The following P2RY8 variants were observed in gnomAD, a reference collection of about 807,000 sequenced individuals.
P2RY8 encodes the protein S-geranylgeranyl-glutathione receptor P2RY8.
Under a neutral mutation model 10.0 loss-of-function variants are expected in P2RY8, and 6 were observed. That is an observed-to-expected ratio of 0.60 (90% CI 0.33 to 1.19). The LOEUF (loss-of-function observed/expected upper bound fraction) is 1.19, where lower values mean the gene tolerates loss of function less well. Among genes scored for constraint, P2RY8 ranks in the 50% most tolerant of loss-of-function variants. P2RY8 has a pLI of 0.04. For synonymous variants in P2RY8, 276 were observed against 252.5 expected (o/e 1.09, Z -0.88); for missense variants, 456 against 542.0 (o/e 0.84, Z 1.58).
intron 1 of P2RY8, among the ~76,000 whole-genome samples, chrX:1,526,334 TCATC>T (rs1356222302): frequency 3.3e-5 from 5 of 151,342 alleles, no homozygotes; most frequent in African/African-American, 7.3e-5. Flanking sequence ...ATCCATTCAT[TCATC>T]CATCCATCCA....
At chrX:1,485,882 A>G (rs1252553561) in intron 1 of P2RY8, among the ~76,000 whole-genome samples, 2 of 151,842 alleles carry the variant, frequency 1.3e-5, no homozygotes, top group Non-Finnish European at 2.9e-5. Context: ...ATAATACATT[A>G]TTTCTGCATG....
At chrX:1,503,609 A>G (rs2092200423) in intron 1 of P2RY8, among the ~76,000 whole-genome samples, 1 of 151,736 alleles carries the variant, frequency 6.6e-6, no homozygotes, top group African/African-American at 2.4e-5. Context: ...AAAATACAAA[A>G]ATTAGCCAGG....
intron 1 of P2RY8, among the ~76,000 whole-genome samples, chrX:1,473,365 ATGGGTGAGTGGG>A (rs1481362599): frequency 1.7e-5 from 1 of 60,184 alleles, no homozygotes; most frequent in Admixed American, 2.2e-4. Context: ...GGGTTTCTGA[ATGGGTGAGTGGG>A]TGGGTGGGTG....
chrX:1,507,830 A>T (rs1280402359), intron 1 of P2RY8, among the ~76,000 whole-genome samples: 1 of 152,146 alleles, frequency 6.6e-6, no homozygotes, highest in Non-Finnish European at 1.5e-5. Context: ...GAGGTTAGCT[A>T]TTAGGTCATG....
At chrX:1,481,942 C>A (rs1422589478) in intron 1 of P2RY8, among the ~76,000 whole-genome samples, 6 of 152,144 alleles carry the variant, frequency 3.9e-5, no homozygotes, top group Non-Finnish European at 8.8e-5. Flanking sequence ...CATCACCCAA[C>A]GAAGCAGACC....
chrX:1,477,950 G>C (rs1432835086), intron 1 of P2RY8, among the ~76,000 whole-genome samples: 1 of 152,186 alleles, frequency 6.6e-6, no homozygotes, highest in African/African-American at 2.4e-5. Flanking sequence ...TGGATGAAGA[G>C]CGATTCCTTA....
At chrX:1,477,315 C>T (rs1272137885) in intron 1 of P2RY8, among the ~76,000 whole-genome samples, 1 of 63,024 alleles carries the variant, frequency 1.6e-5, no homozygotes, top group Admixed American at 1.4e-4. Flanking sequence ...TCTTGCAACC[C>T]TTGATCTATC....
At chrX:1,512,655 C>T (rs1337812117) in intron 1 of P2RY8, among the ~76,000 whole-genome samples, 4 of 151,254 alleles carry the variant, frequency 2.6e-5, no homozygotes, top group Non-Finnish European at 4.4e-5. Context: ...GCAATCATGG[C>T]GGAAGGCAAA....
intron 1 of P2RY8, among the ~76,000 whole-genome samples, chrX:1,532,143 G>A (rs2092479712): frequency 6.6e-6 from 1 of 151,974 alleles, no homozygotes; most frequent in South Asian, 2.1e-4. Flanking sequence ...TACTTGCACA[G>A]GCATGTTTAT....
intron 1 of P2RY8, among the ~76,000 whole-genome samples, chrX:1,531,242 G>A (rs1167122020): frequency 6.6e-6 from 1 of 152,036 alleles, no homozygotes; most frequent in African/African-American, 2.4e-5. Context: ...GCCCAGGGAC[G>A]CTGCTCTACA....
At position 1,466,516 on chromosome X, in the gene P2RY8, G is replaced by A; in HGVS notation, c.43C>T (p.Gln15Ter). Residue 15 changes from glutamine (Q) to a stop codon, truncating the protein, a stop_gained, in exon 2 of 2, where the codon CAG becomes TAG. Transcript: ENST00000381297. LOFTEE classifies it high-confidence loss of function. ...GCGATCGCCGGGTTCCGCAGCATCT[G>A]CAGCGTCGCGTTGTCCGGGCCGGTG... ...NSTGPDNATL[Q>*]MLRNPAIAVA... The A allele has an allele frequency of 1.9e-6, 3 of 1,610,116 alleles. No homozygotes were observed. Among genetic ancestry groups the A allele is most frequent in the Non-Finnish European group, 2.5e-6 (3 of 1,179,556 alleles).
At position 1,477,199 on chromosome X, in the gene P2RY8, A is replaced by G. The variant is rs67514430; in HGVS notation, c.-24-10617T>C. Among the ~76,000 whole-genome samples the G allele has an allele frequency of 8.7e-4, 129 of 148,462 alleles. 1 individual carries two copies. The highest frequency in any genetic ancestry group is 3.5e-3 in the Middle Eastern group (1 of 286). On this transcript the variant is annotated intron_variant, in intron 1 of 1. Coordinates refer to ENST00000381297, the MANE Select transcript of P2RY8 (RefSeq NM_178129.5). The stretch of plus-strand genomic sequence containing the variant: ...GCAAGACTGCATCTCAAAAAAAAAA[A>G]AAGAAGAAGAAGAAGAAGAAATTCA...
At chrX:1,526,396 C>G (rs1162000528) in intron 1 of P2RY8, among the ~76,000 whole-genome samples, 1 of 151,688 alleles carries the variant, frequency 6.6e-6, no homozygotes, top group Non-Finnish European at 1.5e-5. Flanking sequence ...TATTCACTCA[C>G]CCATTCATTT....
At chrX:1,509,067 GTATC>G (rs1278541250) in intron 1 of P2RY8, among the ~76,000 whole-genome samples, 21 of 134,182 alleles carry the variant, frequency 1.6e-4, no homozygotes, top group African/African-American at 4.0e-4. Context: ...ATCTATCTAT[GTATC>G]TATCTATGTA....
At chrX:1,504,089 G>A (rs1403611980) in intron 1 of P2RY8, among the ~76,000 whole-genome samples, 6 of 151,908 alleles carry the variant, frequency 3.9e-5, no homozygotes, top group South Asian at 2.1e-4. Flanking sequence ...AGGCCGAGGC[G>A]GGCGGATCAT....
At chrX:1,481,472 A>T (rs1286740037) in intron 1 of P2RY8, among the ~76,000 whole-genome samples, 3 of 152,072 alleles carry the variant, frequency 2.0e-5, no homozygotes, top group Non-Finnish European at 4.4e-5. Flanking sequence ...CCAGGTAGTC[A>T]CATTTTCTTC....
chrX:1,482,305 A>AAC (rs2091944021), intron 1 of P2RY8, among the ~76,000 whole-genome samples: 2 of 151,912 alleles, frequency 1.3e-5, no homozygotes, highest in African/African-American at 4.8e-5. Context: ...AAAAAAAAAA[A>AAC]AAAACCCAAA....
intron 1 of P2RY8, among the ~76,000 whole-genome samples, chrX:1,489,728 C>T (rs2092024724): frequency 6.7e-6 from 1 of 148,924 alleles, no homozygotes; most frequent in Admixed American, 6.7e-5. Flanking sequence ...ATATTCCCCG[C>T]AAATGTGGGG....
intron 1 of P2RY8, among the ~76,000 whole-genome samples, chrX:1,492,629 C>A (rs1235699815): frequency 6.6e-6 from 1 of 152,130 alleles, no homozygotes; most frequent in African/African-American, 2.4e-5. Flanking sequence ...CCTAATTATC[C>A]AATTTGACAA....
Sources: allele counts gnomAD v4.1 joint callset (sites outside exome capture counted in the v4.1 genomes callset), GRCh38; gene constraint gnomAD v4.1.1; transcripts MANE v1.5; gene names NCBI Gene and HGNC (gene_info 2026-07-23, HGNC 2026-07-21).